The following STXBP6 variants were observed in gnomAD, a reference collection of about 807,000 sequenced individuals.
The protein encoded by STXBP6 is syntaxin binding protein 6.
A neutral mutation model predicts 26.9 loss-of-function variants in STXBP6; 21 were observed. The observed-to-expected ratio is 0.78, with a 90% CI of 0.55 to 1.12. The LOEUF (loss-of-function observed/expected upper bound fraction) is 1.12. STXBP6 is among the 50% of genes most tolerant of loss of function. STXBP6 has a pLI of 0.00. For missense variants in STXBP6, 232 were observed against 257.9 expected, an observed-to-expected ratio of 0.90 and a Z score of 0.69; for synonymous variants, 97 against 92.6, an observed-to-expected ratio of 1.05 and a Z score of -0.27.
At chr14:24,949,662 A>G (rs2073100160) in intron 2 of STXBP6, among the ~76,000 whole-genome samples, 1 of 152,256 alleles carries the variant, frequency 6.6e-6, no homozygotes, top group South Asian at 2.1e-4. Flanking sequence ...ATTTCAGATT[A>G]ATAAAAATAG....
chr14:24,994,188 T>G (rs1214419755), intron 1 of STXBP6, among the ~76,000 whole-genome samples: 1 of 152,170 alleles, frequency 6.6e-6, no homozygotes, highest in Non-Finnish European at 1.5e-5. Context: ...AAAGAGACTC[T>G]AAAAATGGGA....
intron 2 of STXBP6, among the ~76,000 whole-genome samples, chr14:24,892,628 C>T (rs12432024): frequency 0.29 from 44,123 of 151,912 alleles, 7,199 homozygotes; most frequent in Admixed American, 0.45. Flanking sequence ...CATGAGCATT[C>T]GGAGCAGACT....
intron 2 of STXBP6, among the ~76,000 whole-genome samples, chr14:24,963,320 C>G (rs1038749544): frequency 6.6e-6 from 1 of 152,174 alleles, no homozygotes; most frequent in Admixed American, 6.5e-5. Flanking sequence ...AAGATGAAAA[C>G]TTGGATCTCA....
intron 1 of STXBP6, among the ~76,000 whole-genome samples, chr14:24,991,665 C>T (rs2074477993): frequency 6.6e-6 from 1 of 152,174 alleles, no homozygotes; most frequent in Admixed American, 6.5e-5. Context: ...TCAACCAATT[C>T]AAGGTTATGA....
intron 1 of STXBP6, among the ~76,000 whole-genome samples, chr14:25,038,822 T>A (rs532728102): frequency 5.6e-4 from 84 of 151,010 alleles, no homozygotes; most frequent in Middle Eastern, 3.4e-3. Context: ...AGCTTTTTTT[T>A]AAAAAAAAGA....
At chr14:24,813,943 G>A (rs1225636588) in intron 5 of STXBP6, among the ~76,000 whole-genome samples, 5 of 152,218 alleles carry the variant, frequency 3.3e-5, no homozygotes, top group Non-Finnish European at 7.3e-5. Flanking sequence ...GTTTGCATGT[G>A]ATAGAGGGAC....
At chr14:24,963,904 T>G (rs2073634163) in intron 2 of STXBP6, among the ~76,000 whole-genome samples, 1 of 145,762 alleles carries the variant, frequency 6.9e-6, no homozygotes, top group African/African-American at 2.6e-5. Flanking sequence ...CGTAACCTGA[T>G]GGATTCCAAG....
chr14:25,023,840 ACAGC>A (rs2075301353), intron 1 of STXBP6, among the ~76,000 whole-genome samples: 1 of 152,194 alleles, frequency 6.6e-6, no homozygotes, highest in African/African-American at 2.4e-5. Context: ...GTTTCTTAGT[ACAGC>A]CATAGTCTTT....
intron 2 of STXBP6, among the ~76,000 whole-genome samples, chr14:24,929,959 A>T (rs1023911121): frequency 6.6e-6 from 1 of 152,216 alleles, no homozygotes; most frequent in Non-Finnish European, 1.5e-5. Context: ...CCACTTTGTT[A>T]TATGCAAAAA....
chr14:24,912,419 A>G (rs2071605843), intron 2 of STXBP6, among the ~76,000 whole-genome samples: 1 of 149,630 alleles, frequency 6.7e-6, no homozygotes, highest in African/African-American at 2.5e-5. Context: ...GTGGCTGGGT[A>G]AGGTTTATAG....
intron 4 of STXBP6, among the ~76,000 whole-genome samples, chr14:24,853,041 T>C (rs2069208526): frequency 6.6e-6 from 1 of 152,144 alleles, no homozygotes; most frequent in Non-Finnish European, 1.5e-5. Flanking sequence ...ATAACATATG[T>C]ATAGAATCTG....
chr14:24,974,399 T>C (rs1193763978), intron 2 of STXBP6, among the ~76,000 whole-genome samples: 2 of 152,226 alleles, frequency 1.3e-5, no homozygotes. Flanking sequence ...AGGGCAAGTA[T>C]GGACAAACAA....
intron 1 of STXBP6, among the ~76,000 whole-genome samples, chr14:24,983,668 T>C (rs755941791): frequency 3.5e-4 from 53 of 152,090 alleles, no homozygotes; most frequent in Admixed American, 2.6e-4. Flanking sequence ...CCATTAAAAA[T>C]AAAGAAACAA....
At chr14:24,945,735 C>T (rs1171092769) in intron 2 of STXBP6, among the ~76,000 whole-genome samples, 1 of 152,112 alleles carries the variant, frequency 6.6e-6, no homozygotes, top group Non-Finnish European at 1.5e-5. Flanking sequence ...AGCAGCTGAC[C>T]TTTACCAAGC....
At chr14:24,841,248 T>C (rs1466702105) in intron 4 of STXBP6, among the ~76,000 whole-genome samples, 1 of 152,224 alleles carries the variant, frequency 6.6e-6, no homozygotes, top group African/African-American at 2.4e-5. Flanking sequence ...GATTGACAGT[T>C]ATTTCTGGAA....
chr14:24,926,444 T>A (rs2072174109), intron 2 of STXBP6, among the ~76,000 whole-genome samples: 1 of 152,148 alleles, frequency 6.6e-6, no homozygotes, highest in South Asian at 2.1e-4. Context: ...GTCTTCTATT[T>A]TGGACGAACA....
At position 24,899,594 on chromosome 14, in the gene STXBP6, A is replaced by C. The variant is rs890265090; in HGVS notation, c.155-42437T>G. 4.6e-5 allele frequency among the ~76,000 whole-genome samples: 7 copies of C among 151,912 alleles called. 2 individuals carry two copies. The highest frequency in any genetic ancestry group is 3.9e-4 in the Admixed American group (6 of 15,262). ...TCAGGAGTTCAAGACCAGCCTGGCCAACATGACGAAACCCCATCTCTACTA... is the reference window on the plus strand; with the variant it reads ...TCAGGAGTTCAAGACCAGCCTGGCCCACATGACGAAACCCCATCTCTACTA... On this transcript the variant is annotated intron_variant, in intron 2 of 5. Transcript: ENST00000323944.
intron 1 of STXBP6, among the ~76,000 whole-genome samples, chr14:25,013,797 A>G (rs1458791026): frequency 6.6e-6 from 1 of 152,198 alleles, no homozygotes; most frequent in Non-Finnish European, 1.5e-5. Flanking sequence ...CCACAGATTA[A>G]AAGGGACTGA....
intron 2 of STXBP6, among the ~76,000 whole-genome samples, chr14:24,958,407 A>G (rs929083566): frequency 1.3e-4 from 20 of 152,140 alleles, no homozygotes; most frequent in Non-Finnish European, 1.5e-5. Context: ...CCCAGACTCA[A>G]AGAGCTCATT....
Sources: gnomAD v4.1 joint callset for allele counts (sites outside exome capture counted in the v4.1 genomes callset) on GRCh38, gnomAD v4.1.1 for gene constraint, MANE v1.5 for transcripts, NCBI Gene and HGNC (gene_info 2026-07-23, HGNC 2026-07-21) for gene names.